Variants in STXBP4 observed in about 807,000 individuals in gnomAD.
STXBP4 encodes the protein syntaxin binding protein 4.
STXBP4 carries 55 observed loss-of-function variants against 76.1 expected under a neutral mutation model. The ratio of observed to expected loss-of-function variants is 0.72; its 90% CI spans 0.58 to 0.91. STXBP4 has a LOEUF of 0.91. Among genes scored for constraint, STXBP4 ranks in the 40% least tolerant of loss-of-function variants. The pLI is 0.00. For missense variants in STXBP4, 618 were observed against 636.9 expected, an observed-to-expected ratio of 0.97 and a Z score of 0.32; for synonymous variants, 201 against 220.2, an observed-to-expected ratio of 0.91 and a Z score of 0.77.
intron 16 of STXBP4, among the ~76,000 whole-genome samples, chr17:55,110,571 T>C: frequency 6.6e-6 from 1 of 152,354 alleles, no homozygotes; most frequent in Non-Finnish European, 1.5e-5. Context: ...AAAGTTAGTT[T>C]GCTGACAGCT....
chr17:54,995,784 C>T (rs2077791574), intron 4 of STXBP4, among the ~76,000 whole-genome samples: 1 of 152,178 alleles, frequency 6.6e-6, no homozygotes, highest in South Asian at 2.1e-4. Flanking sequence ...CAAGATGGTT[C>T]GCTTTGCAGT....
In STXBP4 at chr17:55,107,745, G is replaced by A. The variant is rs541876476; in HGVS notation, c.1489+26562G>A. ...CCCTATTTGCCTGGGTATCACCAGC[G>A]GAGGCTGCAGAACAACAAAGATTGC... On this transcript the variant is annotated intron_variant, in intron 16 of 17. Coordinates refer to ENST00000376352, the MANE Select transcript of STXBP4 (RefSeq NM_178509.6). Among the ~76,000 whole-genome samples the A allele has an allele frequency of 1.5e-3, 234 of 152,258 alleles. 7 individuals carry two copies. The South Asian group carries it at 0.045, about 29-fold the overall frequency.
chr17:54,983,509 A>G (rs1423795964), intron 1 of STXBP4, among the ~76,000 whole-genome samples: 2 of 152,198 alleles, frequency 1.3e-5, no homozygotes, highest in South Asian at 2.1e-4. Flanking sequence ...AGGTGTTACT[A>G]TTCTTACCTT....
intron 16 of STXBP4, among the ~76,000 whole-genome samples, chr17:55,091,297 G>T (rs957971529): frequency 1.3e-5 from 2 of 152,010 alleles, no homozygotes; most frequent in African/African-American, 4.8e-5. Flanking sequence ...AGGTTTTTTT[G>T]AAAGTTAAAA....
At chr17:55,209,087 AT>A in the STXBP4 span, among the ~76,000 whole-genome samples, 9 of 152,094 alleles carry the variant, frequency 5.9e-5, no homozygotes, top group African/African-American at 2.2e-4. Context: ...ATCTCAAAAA[AT>A]TTTTTTTAAA....
At chr17:55,044,911 A>G (rs1349355646) in intron 11 of STXBP4, 1 of 151,740 alleles carries the variant, frequency 6.6e-6, no homozygotes, top group Non-Finnish European at 1.5e-5. Flanking sequence ...TCAGGTTAAT[A>G]TACACAGATC....
the STXBP4 span, among the ~76,000 whole-genome samples, chr17:55,200,970 C>A: frequency 6.6e-6 from 1 of 152,208 alleles, no homozygotes; most frequent in African/African-American, 2.4e-5. Flanking sequence ...AGGATGGTTA[C>A]AGAGAGGAGA....
intron 16 of STXBP4, among the ~76,000 whole-genome samples, chr17:55,103,085 G>T (rs1326037332): frequency 6.6e-6 from 1 of 152,086 alleles, no homozygotes; most frequent in African/African-American, 2.4e-5. Context: ...CAGGTTGTCT[G>T]TTCACTCTGA....
At chr17:55,177,639 C>T (rs1037707611), downstream of STXBP4, among the ~76,000 whole-genome samples, 3 of 152,154 alleles carry the variant, frequency 2.0e-5, no homozygotes, top group Admixed American at 2.0e-4. Context: ...AGATTCTGTC[C>T]TCCTGGCTGT....
the STXBP4 span, among the ~76,000 whole-genome samples, chr17:55,184,304 A>G: frequency 8.5e-5 from 13 of 152,204 alleles, no homozygotes; most frequent in South Asian, 2.1e-4. Flanking sequence ...GAGAAATTTA[A>G]TTTTTACTAT....
At chr17:55,071,309 T>C (rs2079116557) in intron 12 of STXBP4, among the ~76,000 whole-genome samples, 1 of 152,058 alleles carries the variant, frequency 6.6e-6, no homozygotes, top group Non-Finnish European at 1.5e-5. Flanking sequence ...TCTACCTCCA[T>C]CCCTATATTC....
chr17:55,208,617 G>C, the STXBP4 span, among the ~76,000 whole-genome samples: 1 of 150,606 alleles, frequency 6.6e-6, no homozygotes, highest in African/African-American at 2.5e-5. Context: ...AAAGAGAGAG[G>C]GAGGGAGGGA....
At chr17:54,996,053 G>C (rs1394645555) in intron 4 of STXBP4, among the ~76,000 whole-genome samples, 1 of 151,834 alleles carries the variant, frequency 6.6e-6, no homozygotes, top group African/African-American at 2.4e-5. Flanking sequence ...GGGAAAAGCA[G>C]ATATGTAAAC....
the STXBP4 span, among the ~76,000 whole-genome samples, chr17:55,204,813 A>AAC: frequency 0.014 from 1,000 of 73,122 alleles, 5 homozygotes; most frequent in Non-Finnish European, 0.015. Context: ...TTCAAGATTA[A>AAC]ACACACACAC....
intron 8 of STXBP4, among the ~76,000 whole-genome samples, chr17:55,024,263 C>G (rs2078372168): frequency 1.3e-5 from 2 of 152,338 alleles, no homozygotes; most frequent in African/African-American, 4.8e-5. Context: ...CACAATTCTA[C>G]TTCTGGACAT....
At chr17:54,978,193 G>C (rs1161958618) in intron 1 of STXBP4, among the ~76,000 whole-genome samples, 1 of 152,124 alleles carries the variant, frequency 6.6e-6, no homozygotes, top group Non-Finnish European at 1.5e-5. Flanking sequence ...AGCCAAGAAA[G>C]AACCTTTAAA....
the STXBP4 span, among the ~76,000 whole-genome samples, chr17:55,180,786 C>T: frequency 2.0e-5 from 3 of 152,128 alleles, no homozygotes; most frequent in Admixed American, 6.5e-5. Flanking sequence ...AGGTTTGGCT[C>T]AGGTTTACTG....
intron 17 of STXBP4, among the ~76,000 whole-genome samples, chr17:55,141,671 G>A (rs1377484037): frequency 6.6e-6 from 1 of 152,094 alleles, no homozygotes; most frequent in Non-Finnish European, 1.5e-5. Flanking sequence ...TTTATGAAAA[G>A]TTAATACCTA....
chr17:55,157,993 A>G (rs774878423), intron 17 of STXBP4, among the ~76,000 whole-genome samples: 1 of 152,350 alleles, frequency 6.6e-6, no homozygotes, highest in Non-Finnish European at 1.5e-5. Context: ...GGGAAATCTT[A>G]TAGTAAAGAA....
Sources: gnomAD v4.1 joint callset for allele counts (sites outside exome capture counted in the v4.1 genomes callset) on GRCh38, gnomAD v4.1.1 for gene constraint, MANE v1.5 for transcripts, NCBI Gene and HGNC (gene_info 2026-07-23, HGNC 2026-07-21) for gene names.